SSUH2: variants seen among roughly 807,000 people sequenced by gnomAD.
SSUH2 encodes protein SSUH2 homolog.
SSUH2 carries 47 observed loss-of-function variants against 55.3 expected under a neutral mutation model. That is an observed-to-expected ratio of 0.85 (90% CI 0.67 to 1.08). The LOEUF (loss-of-function observed/expected upper bound fraction) is 1.08, where lower values mean the gene tolerates loss of function less well. SSUH2 is among the 50% of genes least tolerant of loss of function. The pLI is 0.00. For synonymous variants in SSUH2, 212 were observed against 191.5 expected (o/e 1.11, Z -0.89); for missense variants, 535 against 490.7 (o/e 1.09, Z -0.85).
At chr3:8,661,631 CCAGA>C (rs1212900040) in intron 6 of SSUH2, among the ~76,000 whole-genome samples, 1 of 152,198 alleles carries the variant, frequency 6.6e-6, no homozygotes, top group Non-Finnish European at 1.5e-5. Context: ...ACAGCAATAG[CCAGA>C]CAATCAAGGT....
At chr3:8,637,981 C>A (rs913170566) in intron 1 of SSUH2, among the ~76,000 whole-genome samples, 1 of 152,206 alleles carries the variant, frequency 6.6e-6, no homozygotes, top group East Asian at 1.9e-4. Flanking sequence ...ATAGAAGCTT[C>A]GTTCCAAGAA....
rs1697509959 is a variant in SSUH2, at chr3:8,626,296, T to C, written c.700A>G (p.Asn234Asp). 9.3e-6 allele frequency: 15 copies of C among 1,613,988 alleles called. No individual in the cohort carries two copies. The highest frequency in any genetic ancestry group is 1.7e-5 in the Admixed American group (1 of 60,000). ...CCCTTGCAGGTGGCGCAGGTCTTGT[T>C]CCCTCTCCCTGAGCAAGTGCTGCAT... is the stretch of plus-strand genomic sequence containing the variant. ...RRCSTCSGRG[N>D]KTCATCKGEK... Residue 234 changes from asparagine to aspartate, a missense_variant, in exon 9 of 12, where the codon AAC becomes GAC. Transcript: ENST00000544814.
Position 8,623,606 on chromosome 3 carries a change from C to A in SSUH2, c.924G>T (p.Gln308His), listed in dbSNP as rs1039932729. 24 of 1,547,200 alleles carry A rather than the reference C, an allele frequency of 1.6e-5. No individual in the cohort carries two copies. The highest frequency in any genetic ancestry group is 2.0e-5 in the Non-Finnish European group (23 of 1,143,662). ...FPLRDISLAS[Q>H]RGIAEHSAAL... ...CAGCGCTGTGCTCTGCAATGCCCCT[C>A]TGGGAGGCAAGAGAGATGTCTCGCA... Residue 308 changes from glutamine (Q) to histidine (H), a missense_variant, in exon 11 of 12, where the codon CAG becomes CAT. Gln to His is a conservative substitution (Grantham distance 24, BLOSUM62 0). Coordinates refer to ENST00000544814, the MANE Select transcript of SSUH2 (RefSeq NM_001256748.3).
Position 8,629,667 on chromosome 3 carries a change from G to GGTTCACAGATGACTCACCGTA in SSUH2, c.584_585insTACGGTGAGTCATCTGTGAAC (p.Val197_Arg198insSerHisLeuTer). 9.3e-7 allele frequency: 1 copy of GGTTCACAGATGACTCACCGTA among 1,080,956 alleles called. No homozygotes were observed. The highest frequency in any genetic ancestry group is 1.3e-6 in the Non-Finnish European group (1 of 753,246). The allele number at this position is 1,080,956 out of a possible 1,614,324, so 67.0% of individuals were successfully genotyped here. A position where few individuals can be genotyped will look rare whatever the true frequency, so the allele number is the denominator to read the frequency against. ...CAGTGGTTCACAGATGACTCACCGT[G>GGTTCACAGATGACTCACCGTA]CCCGCCCCGTGGCAGCCGCTGCACT... On this transcript the variant is annotated stop_gained and inframe_insertion, in exon 7 of 12. Coordinates refer to ENST00000544814, the MANE Select transcript of SSUH2 (RefSeq NM_001256748.3). LOFTEE classifies it high-confidence loss of function.
At chr3:8,644,806 G>C (rs768452249), upstream of SSUH2, 1 of 1,525,420 alleles carries the variant, frequency 6.6e-7, no homozygotes. Flanking sequence ...AGTGTGCTTG[G>C]ACCGATGTGC....
chr3:8,660,717 GCTATA>G (rs1703394242), intron 6 of SSUH2, among the ~76,000 whole-genome samples: 1 of 152,114 alleles, frequency 6.6e-6, no homozygotes, highest in South Asian at 2.1e-4. Context: ...GTTACGTTAT[GCTATA>G]GATTATATGA....
chr3:8,642,997 G>A (rs191324534), intron 1 of SSUH2, among the ~76,000 whole-genome samples: 30 of 152,324 alleles, frequency 2.0e-4, no homozygotes, highest in Non-Finnish European at 7.3e-5. Flanking sequence ...AGGGTTCCTA[G>A]ACTTGTAATG....
intron 1 of SSUH2, chr3:8,640,038 C>G (rs6797471): frequency 0.071 from 69,412 of 982,182 alleles, 9,981 homozygotes; most frequent in African/African-American, 0.55. Flanking sequence ...GTCAAACTCA[C>G]ACACACAAAG....
intron 1 of SSUH2, among the ~76,000 whole-genome samples, chr3:8,640,383 A>ACCCC (rs1700628711): frequency 6.6e-6 from 1 of 152,176 alleles, no homozygotes; most frequent in South Asian, 2.1e-4. Flanking sequence ...AGAAAACCTG[A>ACCCC]TCATATCACC....
At chr3:8,623,014 G>A (rs983525268) in intron 11 of SSUH2, among the ~76,000 whole-genome samples, 3 of 152,172 alleles carry the variant, frequency 2.0e-5, no homozygotes, top group African/African-American at 4.8e-5. Flanking sequence ...TCCCACGTTA[G>A]GGTCCCCTGG....
chr3:8,654,275 C>T (rs1702718851), intron 7 of SSUH2, among the ~76,000 whole-genome samples: 1 of 152,212 alleles, frequency 6.6e-6, no homozygotes, highest in Admixed American at 6.5e-5. Flanking sequence ...CTAATTACGT[C>T]CTAAAGACTC....
chr3:8,634,718 G>A (rs946424605), intron 3 of SSUH2: 21 of 514,060 alleles, frequency 4.1e-5, no homozygotes, highest in Middle Eastern at 3.7e-4. Flanking sequence ...AGAAGCCCCC[G>A]GGAGAAGCCT....
chr3:8,647,076 T>A (rs1701772978), upstream of SSUH2, among the ~76,000 whole-genome samples: 1 of 152,222 alleles, frequency 6.6e-6, no homozygotes, highest in African/African-American at 2.4e-5. Flanking sequence ...TGTCTTGGGA[T>A]ATGTCATGGC....
chr3:8,680,413 T>C (rs188452591), intron 1 of SSUH2, among the ~76,000 whole-genome samples: 1 of 152,072 alleles, frequency 6.6e-6, no homozygotes, highest in African/African-American at 2.4e-5. Flanking sequence ...ATGAACTGTT[T>C]CACAGATGGG....
chr3:8,652,070 C>T (rs921621634), intron 7 of SSUH2: 2 of 152,336 alleles, frequency 1.3e-5, no homozygotes, highest in Admixed American at 6.5e-5. Flanking sequence ...CAGCGTGTCC[C>T]GCATGCACAG....
At chr3:8,624,135 G>A (rs577266932) in intron 10 of SSUH2, among the ~76,000 whole-genome samples, 34 of 146,876 alleles carry the variant, frequency 2.3e-4, no homozygotes, top group Middle Eastern at 3.4e-3. Flanking sequence ...GCATCTCCTC[G>A]GTCCCCAAAG....
At chr3:8,666,060 G>C (rs1483257304) in intron 5 of SSUH2, among the ~76,000 whole-genome samples, 1 of 152,204 alleles carries the variant, frequency 6.6e-6, no homozygotes, top group Non-Finnish European at 1.5e-5. Flanking sequence ...ACCTCTGAGA[G>C]ATCTGGCAAA....
At chr3:8,648,247 G>A (rs906048614), upstream of SSUH2, among the ~76,000 whole-genome samples, 8 of 152,218 alleles carry the variant, frequency 5.3e-5, no homozygotes, top group Non-Finnish European at 2.9e-5. Flanking sequence ...CTCTGGTGCG[G>A]CAGAACAGGA....
rs552862566 is a variant in SSUH2, at chr3:8,676,451, G to A, written c.-753+755C>T. Among the ~76,000 whole-genome samples, 145 of 150,862 alleles carry A rather than the reference G, an allele frequency of 9.6e-4. 4 individuals carry two copies. Among genetic ancestry groups the A allele is most frequent in the South Asian group, 2.1e-3 (10 of 4,714 alleles). Reference sequence around the variant, plus strand: ...ATCGTGGGAAAAATATCCCTGGGGGGTTTCCACTTTCTGCCATACATGTAG... The same window carrying A: ...ATCGTGGGAAAAATATCCCTGGGGGATTTCCACTTTCTGCCATACATGTAG... On this transcript the variant is annotated intron_variant, in intron 3 of 18. Coordinates refer to the SSUH2 transcript ENST00000317371.
Sources: allele counts gnomAD v4.1 joint callset (sites outside exome capture counted in the v4.1 genomes callset), GRCh38; gene constraint gnomAD v4.1.1; transcripts MANE v1.5; gene names NCBI Gene and HGNC (gene_info 2026-07-23, HGNC 2026-07-21).